The following CSMD1 variants were observed in gnomAD, a reference collection of about 807,000 sequenced individuals.
CSMD1 encodes the protein CUB and sushi domain-containing protein 1.
In CSMD1, 213 loss-of-function variants were observed where a neutral mutation model predicts 417.5. That is an observed-to-expected ratio of 0.51 (90% confidence interval 0.46 to 0.57). The LOEUF (loss-of-function observed/expected upper bound fraction) is 0.57. Ranked by LOEUF, CSMD1 falls within the 20% of genes least tolerant of loss-of-function variation. The probability of loss-of-function intolerance (pLI) is 0.00; values close to 1 mark genes in which losing one functional copy is unlikely to be tolerated. For synonymous variants in CSMD1, 2,862 were observed against 1,736.8 expected, an observed-to-expected ratio of 1.65 and a Z score of -16.11; for missense variants, 6,923 against 4,529.7, an observed-to-expected ratio of 1.53 and a Z score of -15.17.
chr8:4,824,326 G>C (rs1254363159), intron 1 of CSMD1, among the ~76,000 whole-genome samples: 4 of 152,054 alleles, frequency 2.6e-5, no homozygotes, highest in Non-Finnish European at 2.9e-5. Context: ...GTGTTATTTG[G>C]TTGGGAGGTA....
At chr8:4,256,226 G>T (rs1803446104) in intron 3 of CSMD1, among the ~76,000 whole-genome samples, 1 of 152,176 alleles carries the variant, frequency 6.6e-6, no homozygotes, top group African/African-American at 2.4e-5. Context: ...GTGCATTTGT[G>T]CTCAAACCAA....
intron 3 of CSMD1, among the ~76,000 whole-genome samples, chr8:4,083,779 G>A (rs989960266): frequency 4.6e-5 from 7 of 152,118 alleles, no homozygotes; most frequent in Admixed American, 1.3e-4. Context: ...ACATAGGCAT[G>A]GGCAAGGACT....
chr8:3,428,754 C>T (rs1366756871), intron 12 of CSMD1, among the ~76,000 whole-genome samples: 1 of 152,134 alleles, frequency 6.6e-6, no homozygotes, highest in Non-Finnish European at 1.5e-5. Context: ...AGCTGCACTC[C>T]CCTGTTCACT....
intron 41 of CSMD1, among the ~76,000 whole-genome samples, chr8:3,129,600 C>A (rs943433858): frequency 4.6e-5 from 7 of 151,454 alleles, no homozygotes; most frequent in Non-Finnish European, 1.0e-4. Flanking sequence ...CATGGTGAAA[C>A]CTTCTCTATA....
intron 5 of CSMD1, among the ~76,000 whole-genome samples, chr8:3,903,841 G>C (rs1465760505): frequency 6.6e-6 from 1 of 152,090 alleles, no homozygotes; most frequent in African/African-American, 2.4e-5. Flanking sequence ...GGTCTCTTTA[G>C]TGGTCTTGTT....
intron 3 of CSMD1, among the ~76,000 whole-genome samples, chr8:4,092,614 G>C (rs530170572): frequency 4.6e-5 from 7 of 152,154 alleles, no homozygotes; most frequent in Non-Finnish European, 8.8e-5. Flanking sequence ...AAGCAATTAT[G>C]AGAAGAATGA....
intron 3 of CSMD1, among the ~76,000 whole-genome samples, chr8:4,387,417 T>C: frequency 6.6e-6 from 1 of 151,914 alleles, no homozygotes; most frequent in East Asian, 1.9e-4. Flanking sequence ...AATTAAGTAA[T>C]GACTCAAAGC....
chr8:4,380,664 G>T (rs1284013450), intron 3 of CSMD1, among the ~76,000 whole-genome samples: 1 of 152,118 alleles, frequency 6.6e-6, no homozygotes, highest in East Asian at 1.9e-4. Flanking sequence ...CATTAATTGT[G>T]GCAAATGGAC....
At chr8:4,578,312 C>A (rs1031253089) in intron 2 of CSMD1, among the ~76,000 whole-genome samples, 6 of 144,794 alleles carry the variant, frequency 4.1e-5, no homozygotes, top group African/African-American at 1.6e-4. Flanking sequence ...ATTACAGGCA[C>A]CTGCCACGAC....
At chr8:4,742,518 T>G in intron 1 of CSMD1, among the ~76,000 whole-genome samples, 1 of 151,970 alleles carries the variant, frequency 6.6e-6, no homozygotes, top group East Asian at 1.9e-4. Context: ...ACATAGAAAA[T>G]ATTTTATAAA....
intron 3 of CSMD1, among the ~76,000 whole-genome samples, chr8:4,393,477 T>C (rs951997092): frequency 1.3e-5 from 2 of 152,310 alleles, no homozygotes; most frequent in East Asian, 1.9e-4. Context: ...TATGTTGAGA[T>C]GGCAGCAGCC....
intron 68 of CSMD1, among the ~76,000 whole-genome samples, chr8:2,947,203 G>A (rs1415839307): frequency 6.6e-6 from 1 of 152,148 alleles, no homozygotes; most frequent in Non-Finnish European, 1.5e-5. Flanking sequence ...TCCTAATGAG[G>A]AAACCAGTTT....
At chr8:4,675,259 T>A (rs931765225) in intron 1 of CSMD1, among the ~76,000 whole-genome samples, 4 of 152,198 alleles carry the variant, frequency 2.6e-5, no homozygotes, top group African/African-American at 9.6e-5. Flanking sequence ...CACTTAAAAC[T>A]TTCACTTCTT....
At chr8:4,603,176 A>C (rs1409435229) in intron 2 of CSMD1, among the ~76,000 whole-genome samples, 1 of 152,050 alleles carries the variant, frequency 6.6e-6, no homozygotes, top group Non-Finnish European at 1.5e-5. Flanking sequence ...TATCAGTTCT[A>C]ATTATGTGCT....
At chr8:4,806,510 T>C (rs1256774959) in intron 1 of CSMD1, among the ~76,000 whole-genome samples, 5 of 152,196 alleles carry the variant, frequency 3.3e-5, no homozygotes, top group Admixed American at 2.6e-4. Context: ...TTCACTTCTT[T>C]CCTCTGGAGC....
At chr8:4,412,223 G>C (rs1161701808) in intron 3 of CSMD1, among the ~76,000 whole-genome samples, 5 of 152,092 alleles carry the variant, frequency 3.3e-5, no homozygotes, top group African/African-American at 1.2e-4. Context: ...CAGTATTGGA[G>C]GTAGGGCCTG....
intron 2 of CSMD1, among the ~76,000 whole-genome samples, chr8:4,585,396 G>A (rs899471762): frequency 5.9e-5 from 9 of 152,076 alleles, no homozygotes; most frequent in African/African-American, 1.2e-4. Flanking sequence ...GAGGGATAAC[G>A]AAACTAATAG....
In CSMD1 at chr8:3,468,732, C is replaced by A; in HGVS notation, c.1541G>T (p.Gly514Val). Residue 514 changes from glycine (G) to valine (V), a missense_variant, in exon 12 of 70, where the codon GGG becomes GTG. Physicochemically the swap from Gly to Val is moderately radical, Grantham distance 109. Coordinates refer to ENST00000635120, the MANE Select transcript of CSMD1 (RefSeq NM_033225.6). The part of the protein sequence containing the change: ...LQSDDSIGSP[G>V]FKAVYQEIEK... ...CATACCTTGGTAAACAGCTTTAAAC[C>A]CAGGTGAGCCAATGCTATCATCCGA... 1 of 1,604,182 alleles carries A rather than the reference C, an allele frequency of 6.2e-7. No homozygotes were observed. The highest frequency in any genetic ancestry group is 8.5e-7 in the Non-Finnish European group (1 of 1,175,358).
In CSMD1 at chr8:4,321,077, C is replaced by G. The variant is rs573820197; in HGVS notation, c.415+98876G>C. ...ACACAGATCTCTTATGAAGTCTTGT[C>G]ATACGCTTATATTGAGTTTTTGTCT... is the stretch of plus-strand genomic sequence containing the variant. On this transcript the variant is annotated intron_variant, in intron 3 of 69. Transcript: ENST00000635120. Among the ~76,000 whole-genome samples the G allele has an allele frequency of 6.6e-5, 10 of 152,220 alleles. No individual in the cohort carries two copies. In the South Asian group the frequency reaches 1.5e-3, roughly 22 times the overall value.
Sources: gnomAD v4.1 joint callset for allele counts (sites outside exome capture counted in the v4.1 genomes callset) on GRCh38, gnomAD v4.1.1 for gene constraint, MANE v1.5 for transcripts, NCBI Gene and HGNC (gene_info 2026-07-23, HGNC 2026-07-21) for gene names.